FAM111B: variants seen among roughly 807,000 people sequenced by gnomAD.
FAM111B encodes FAM111 trypsin like peptidase B, also known as serine protease FAM111B.
Under a neutral mutation model 2.8 loss-of-function variants are expected in FAM111B, and 1 was observed. The ratio of observed to expected loss-of-function variants is 0.36; its 90% CI spans 0.13 to 1.70. The LOEUF (loss-of-function observed/expected upper bound fraction) is 1.70, where lower values mean the gene tolerates loss of function less well. FAM111B is among the 40% of genes most tolerant of loss of function. FAM111B has a pLI of 0.35. For missense variants in FAM111B, 882 were observed against 878.9 expected (o/e 1.00, Z -0.04); for synonymous variants, 297 against 295.6 (o/e 1.00, Z -0.05).
intron 3 of FAM111B, among the ~76,000 whole-genome samples, chr11:59,123,040 A>G (rs1222653381): frequency 1.3e-5 from 2 of 152,188 alleles, no homozygotes; most frequent in Non-Finnish European, 2.9e-5. Context: ...TTGCCATCAG[A>G]TTCTCAATAT....
chr11:59,108,410 T>G lies in FAM111B; in HGVS notation c.-131-258T>G, dbSNP rs144280134. ...CCAGAGTTCCCTCTCTGTGCAGGTC[T>G]CCCACCATGTCTTTGGCCTGTGACC... is the stretch of plus-strand genomic sequence containing the variant. On this transcript the variant is annotated intron_variant, in intron 1 of 3. Transcript: ENST00000343597. 4.0e-3 allele frequency among the ~76,000 whole-genome samples: 607 copies of G among 152,294 alleles called. 1 individual carries two copies. Among genetic ancestry groups the G allele is most frequent in the Non-Finnish European group, 6.3e-3 (428 of 68,022 alleles).
rs1390454543 is a variant in FAM111B, at chr11:59,124,717, A to C, written c.620A>C (p.Lys207Thr). The C allele has an allele frequency of 6.2e-7, 1 of 1,613,680 alleles. No homozygotes were observed. The highest frequency in any genetic ancestry group is 1.1e-5 in the South Asian group (1 of 91,022). Residue 207 changes from lysine to threonine, a missense_variant, in exon 4 of 4, where the codon AAA becomes ACA. Lys to Thr is a moderately conservative substitution (Grantham distance 78). Coordinates refer to ENST00000343597, the MANE Select transcript of FAM111B (RefSeq NM_198947.4). ...GTTAAGATCAACGAACTTCATGAAA[A>C]AGGAAGTAAACTTTGTATTTATGCC... ...KIVKINELHE[K>T]GSKLCIYALK...
chr11:59,124,376 C>T lies in FAM111B; in HGVS notation c.279C>T (p.Asp93=). 6.2e-7 allele frequency: 1 copy of T among 1,613,716 alleles called. No homozygotes were observed. The highest frequency in any genetic ancestry group is 8.5e-7 in the Non-Finnish European group (1 of 1,179,812). ...TGAATGGAAACTCCAGAAAATTAGA[C>T]CGTAGTGTGTTTACAGCATATGGTA... ...FTLNGNSRKL[D]RSVFTAYGKP... is the part of the protein sequence containing the mutation. Residue 93 remains aspartate, a synonymous_variant, in exon 4 of 4, where the codon GAC becomes GAT. Transcript: ENST00000343597.
chr11:59,110,953 A>G lies in FAM111B; in HGVS notation c.81+1247A>G, dbSNP rs538155871. The stretch of plus-strand genomic sequence containing the variant: ...CACATTTCCAGTAAAAATATTTTCT[A>G]ATTGTGAAACAATAAAATGGATTCG... On this transcript the variant is annotated intron_variant, in intron 3 of 3. Transcript: ENST00000343597. 4.6e-5 allele frequency among the ~76,000 whole-genome samples: 7 copies of G among 152,310 alleles called. No homozygotes were observed. In the South Asian group the frequency reaches 6.2e-4, roughly 14 times the overall value.
At chr11:59,119,270 C>T (rs1007233538) in intron 3 of FAM111B, among the ~76,000 whole-genome samples, 2 of 152,196 alleles carry the variant, frequency 1.3e-5, no homozygotes, top group Non-Finnish European at 2.9e-5. Context: ...GAACTTGGTT[C>T]CTTTTCCTCA....
intron 3 of FAM111B, among the ~76,000 whole-genome samples, chr11:59,118,127 A>G (rs538748870): frequency 6.6e-6 from 1 of 152,302 alleles, no homozygotes; most frequent in Admixed American, 6.5e-5. Context: ...TTTCATCTGC[A>G]ATGCAGTGGA....
rs1210211211 is a variant in FAM111B at position 59,114,197 on chromosome 11, C to T, written c.81+4491C>T. Among the ~76,000 whole-genome samples, 4 of 152,148 alleles carry T rather than the reference C, an allele frequency of 2.6e-5. No homozygotes were observed. In the East Asian group the frequency reaches 7.7e-4, roughly 29 times the overall value. Reference sequence around the variant, plus strand: ...GCACAAGCCCTGAGAATGGCTAAGGCTTCCTGTCCAGGGCCTGAGTGATCA... The same window carrying T: ...GCACAAGCCCTGAGAATGGCTAAGGTTTCCTGTCCAGGGCCTGAGTGATCA... On this transcript the variant is annotated intron_variant, in intron 3 of 3. Coordinates refer to ENST00000343597, the MANE Select transcript of FAM111B (RefSeq NM_198947.4).
At position 59,125,132 on chromosome 11, in the gene FAM111B, T is replaced by C; in HGVS notation, c.1035T>C (p.Ile345=). ...KDKTRQTIPR[I]RNYYFCSLPR... ...AAACTCGCCAGACAATTCCCAGGAT[T>C]AGAAATTATTACTTTTGTAGTTTGC... The change falls in exon 4 of 4, where the codon ATT becomes ATC. Residue 345 remains isoleucine, a synonymous_variant. Transcript: ENST00000343597. 19 of 1,613,896 alleles carry C rather than the reference T, an allele frequency of 1.2e-5. No individual in the cohort carries two copies. The highest frequency in any genetic ancestry group is 1.6e-5 in the Non-Finnish European group (19 of 1,179,842).
rs777585362 is a variant in FAM111B at position 59,124,317 on chromosome 11, T to C, written c.220T>C (p.Leu74=). Residue 74 remains leucine (L), a synonymous_variant, in exon 4 of 4, where the codon TTG becomes CTG. Transcript: ENST00000343597. ...AGCCCTTGAAATGCAGAATCCAAAT[T>C]TGAACAATAAAGAATGTTGTTTCAC... ...ETALEMQNPN[L]NNKECCFTFT... 8 of 1,613,796 alleles carry C rather than the reference T, an allele frequency of 5.0e-6. No homozygotes were observed. The highest frequency in any genetic ancestry group is 2.5e-6 in the Non-Finnish European group (3 of 1,179,788).
intron 2 of FAM111B, among the ~76,000 whole-genome samples, chr11:59,109,229 T>C (rs1193810642): frequency 6.6e-6 from 1 of 152,224 alleles, no homozygotes; most frequent in African/African-American, 2.4e-5. Context: ...TCTCAAGGGA[T>C]ACCCACTGCA....
At chr11:59,113,968 C>G (rs984857337) in intron 3 of FAM111B, among the ~76,000 whole-genome samples, 5 of 152,232 alleles carry the variant, frequency 3.3e-5, no homozygotes, top group African/African-American at 1.2e-4. Context: ...AGTCCCAGCT[C>G]TTGTGAACCT....
intron 2 of FAM111B, among the ~76,000 whole-genome samples, chr11:59,109,161 T>G (rs1859714801): frequency 6.6e-6 from 1 of 152,210 alleles, no homozygotes; most frequent in African/African-American, 2.4e-5. Context: ...TTTTGGGTAC[T>G]TCTTTTCCTG....
Position 59,126,439 on chromosome 11 carries a change from A to G in FAM111B, c.*137A>G, listed in dbSNP as rs892671291. On this transcript the variant is annotated 3_prime_UTR_variant, in exon 4 of 4. Transcript: ENST00000343597. ...TTAAATCTTCTGCACAGCAAAAGAA[A>G]CTATCAACAGGGTAAACACACAACC... is the stretch of plus-strand genomic sequence containing the variant. 9.4e-6 allele frequency: 6 copies of G among 638,596 alleles called. No homozygotes were observed. The highest frequency in any genetic ancestry group is 1.5e-5 in the Non-Finnish European group (6 of 398,810). The allele number at this position is 638,596 out of a possible 1,614,324, so 39.6% of individuals were successfully genotyped here.
rs143926442 is a variant in FAM111B, at chr11:59,126,010, C to A, written c.1913C>A (p.Thr638Lys). ...SFLSEVWNTH[T>K]LSYDTCFSDG... ...CTATCAGAGGTTTGGAACACACACA[C>A]GCTTAGTTATGATACTTGTTTCTCT... Residue 638 changes from threonine (T) to lysine (K), a missense_variant, in exon 4 of 4, where the codon ACG becomes AAG. By Grantham distance (78) the Thr-to-Lys change is moderately conservative. Coordinates refer to ENST00000343597, the MANE Select transcript of FAM111B (RefSeq NM_198947.4). 6.2e-7 allele frequency: 1 copy of A among 1,613,900 alleles called. No individual in the cohort carries two copies. Among genetic ancestry groups the A allele is most frequent in the Non-Finnish European group, 8.5e-7 (1 of 1,179,858 alleles).
intron 1 of FAM111B, among the ~76,000 whole-genome samples, chr11:59,107,762 A>G (rs1859687591): frequency 1.3e-5 from 2 of 152,198 alleles, no homozygotes; most frequent in Admixed American, 6.5e-5. Context: ...TGAGTGTGGC[A>G]GTCTCCTATT....
At position 59,127,194 on chromosome 11, in the gene FAM111B, T is replaced by TG. The variant is rs1463411110; in HGVS notation, c.*894dup. 1 of 151,968 alleles carries TG rather than the reference T, an allele frequency of 6.6e-6. No individual in the cohort carries two copies. The highest frequency in any genetic ancestry group is 1.5e-5 in the Non-Finnish European group (1 of 67,982). 9.4% of individuals were successfully genotyped at this position (151,968 alleles called of 1,614,324 possible). A position where few individuals can be genotyped will look rare whatever the true frequency, so the allele number is the denominator to read the frequency against. On this transcript the variant is annotated 3_prime_UTR_variant, in exon 4 of 4. Transcript: ENST00000343597. Reference sequence around the variant, plus strand: ...GTGGAAGCTAAATATTGAGTACACATGGACACAAAGAAGAAAACAACAGAT... The same window carrying TG: ...GTGGAAGCTAAATATTGAGTACACATGGGACACAAAGAAGAAAACAACAGAT...
At chr11:59,115,636 A>G (rs888339920) in intron 3 of FAM111B, among the ~76,000 whole-genome samples, 3 of 152,208 alleles carry the variant, frequency 2.0e-5, no homozygotes, top group African/African-American at 7.2e-5. Flanking sequence ...GAAAAGCATG[A>G]TGTATGCTAA....
At chr11:59,113,011 C>T (rs1355318285) in intron 3 of FAM111B, among the ~76,000 whole-genome samples, 1 of 152,160 alleles carries the variant, frequency 6.6e-6, no homozygotes, top group Non-Finnish European at 1.5e-5. Flanking sequence ...ATGAAGTCCA[C>T]TTTCTCTATA....
intron 2 of FAM111B, among the ~76,000 whole-genome samples, chr11:59,109,163 C>CT (rs1173755564): frequency 6.6e-6 from 1 of 152,166 alleles, no homozygotes; most frequent in East Asian, 1.9e-4. Flanking sequence ...TTGGGTACTT[C>CT]TTTTCCTGTT....
Sources: allele counts gnomAD v4.1 joint callset (sites outside exome capture counted in the v4.1 genomes callset), GRCh38; gene constraint gnomAD v4.1.1; transcripts MANE v1.5; gene names NCBI Gene and HGNC (gene_info 2026-07-23, HGNC 2026-07-21).